The following PLXDC2 variants were observed in gnomAD, a reference collection of about 807,000 sequenced individuals.
PLXDC2 encodes the protein plexin domain containing 2, also known as plexin domain-containing protein 2.
In PLXDC2, 40 loss-of-function variants were observed where a neutral mutation model predicts 68.9. The ratio of observed to expected loss-of-function variants is 0.58; its 90% confidence interval spans 0.45 to 0.76. The LOEUF (loss-of-function observed/expected upper bound fraction) is 0.76. Among genes scored for constraint, PLXDC2 ranks in the 30% least tolerant of loss-of-function variants. The pLI, the probability that PLXDC2 is intolerant of heterozygous loss-of-function variation, is 0.00. For missense variants in PLXDC2, 644 were observed against 661.9 expected (o/e 0.97, Z 0.30); for synonymous variants, 243 against 234.2 (o/e 1.04, Z -0.34).
At chr10:20,003,486 G>A (rs904273705) in intron 2 of PLXDC2, among the ~76,000 whole-genome samples, 2 of 152,188 alleles carry the variant, frequency 1.3e-5, no homozygotes, top group African/African-American at 2.4e-5. Flanking sequence ...AGGCTGGAGT[G>A]CAGTGGCATG....
intron 13 of PLXDC2, among the ~76,000 whole-genome samples, chr10:20,251,662 T>C (rs1835677358): frequency 6.6e-6 from 1 of 152,070 alleles, no homozygotes; most frequent in Non-Finnish European, 1.5e-5. Context: ...GTCAAGAAAA[T>C]AATATTACAA....
intron 1 of PLXDC2, among the ~76,000 whole-genome samples, chr10:19,860,562 C>G (rs1023062045): frequency 5.3e-5 from 8 of 152,024 alleles, no homozygotes; most frequent in Non-Finnish European, 1.2e-4. Flanking sequence ...CTGAAGGCAC[C>G]CTTTTCTCTA....
chr10:20,089,800 G>T (rs958149817), intron 4 of PLXDC2, among the ~76,000 whole-genome samples: 1 of 152,182 alleles, frequency 6.6e-6, no homozygotes, highest in African/African-American at 2.4e-5. Context: ...GTAAAAGAGA[G>T]CCCAAGAGAG....
intron 12 of PLXDC2, among the ~76,000 whole-genome samples, chr10:20,223,972 ATTT>A (rs10561584): frequency 0.17 from 22,636 of 133,372 alleles, 1,601 homozygotes; most frequent in African/African-American, 0.21. Flanking sequence ...CCTAGAATGT[ATTT>A]TTTTTTTTTT....
chr10:20,277,528 G>T (rs1408888504), intron 13 of PLXDC2, among the ~76,000 whole-genome samples: 12 of 152,078 alleles, frequency 7.9e-5, no homozygotes, highest in Admixed American at 7.9e-4. Context: ...AGAAACAAAG[G>T]CCCAGAGAAA....
chr10:20,042,754 A>G (rs1835704891), intron 2 of PLXDC2, among the ~76,000 whole-genome samples: 1 of 152,200 alleles, frequency 6.6e-6, no homozygotes. Context: ...AATGATGTAG[A>G]TCGATTGCTA....
chr10:20,020,145 G>A (rs888949031), intron 2 of PLXDC2, among the ~76,000 whole-genome samples: 1 of 147,936 alleles, frequency 6.8e-6, no homozygotes, highest in African/African-American at 2.5e-5. Flanking sequence ...CTGAAAAGGT[G>A]GGGCTACAAA....
Position 20,285,995 on chromosome 10 carries a change from A to G in PLXDC2, c.*6176A>G, listed in dbSNP as rs995419445. ...TATTGTCTGGAATAACTTTTCAACC[A>G]TCCAATGCCCACTGCTCTCACAATG... is the stretch of plus-strand genomic sequence containing the variant. On this transcript the variant is annotated 3_prime_UTR_variant, in exon 14 of 14. Coordinates refer to ENST00000377252, the MANE Select transcript of PLXDC2 (RefSeq NM_032812.9). The G allele has an allele frequency of 2.6e-5, 4 of 152,212 alleles. No homozygotes were observed. The highest frequency in any genetic ancestry group is 6.5e-5 in the Admixed American group (1 of 15,278). The allele number at this position is 152,212 out of a possible 1,614,324, so 9.4% of individuals were successfully genotyped here.
chr10:20,057,845 A>T (rs559257684), intron 3 of PLXDC2, among the ~76,000 whole-genome samples: 2 of 152,194 alleles, frequency 1.3e-5, no homozygotes, highest in East Asian at 3.9e-4. Context: ...CTGTGTTGAG[A>T]AGCATCAAAG....
At chr10:20,144,042 C>T (rs894504095) in intron 5 of PLXDC2, among the ~76,000 whole-genome samples, 3 of 151,950 alleles carry the variant, frequency 2.0e-5, no homozygotes, top group Non-Finnish European at 2.9e-5. Context: ...TGCCAAAATC[C>T]AAGCGAGAAA....
chr10:19,940,449 A>G (rs1384531766), intron 1 of PLXDC2, among the ~76,000 whole-genome samples: 3 of 151,620 alleles, frequency 2.0e-5, no homozygotes, highest in Non-Finnish European at 4.4e-5. Context: ...ATTTTTTTGA[A>G]TTATTTGAAT....
intron 6 of PLXDC2, among the ~76,000 whole-genome samples, chr10:20,163,038 T>TG: frequency 6.6e-6 from 1 of 151,470 alleles, no homozygotes; most frequent in East Asian, 1.9e-4. Flanking sequence ...GCCTGGGAGA[T>TG]GGAGTGAGAC....
At chr10:19,983,171 C>A (rs1049846593) in intron 1 of PLXDC2, among the ~76,000 whole-genome samples, 2 of 152,098 alleles carry the variant, frequency 1.3e-5, no homozygotes, top group African/African-American at 2.4e-5. Context: ...TTAGTATTTA[C>A]TGAACGAATC....
intron 4 of PLXDC2, among the ~76,000 whole-genome samples, chr10:20,114,565 C>A (rs930637581): frequency 1.3e-5 from 2 of 152,144 alleles, no homozygotes; most frequent in African/African-American, 4.8e-5. Flanking sequence ...CTGTAACAGA[C>A]GTCTGAATGA....
intron 5 of PLXDC2, among the ~76,000 whole-genome samples, chr10:20,145,770 G>T (rs923035265): frequency 6.6e-6 from 1 of 151,910 alleles, no homozygotes; most frequent in Non-Finnish European, 1.5e-5. Context: ...AGCCAGGATG[G>T]TCTGGATCTC....
At chr10:20,167,254 A>G (rs1834387989) in intron 7 of PLXDC2, among the ~76,000 whole-genome samples, 1 of 152,210 alleles carries the variant, frequency 6.6e-6, no homozygotes, top group Non-Finnish European at 1.5e-5. Flanking sequence ...TTTATAAAGT[A>G]TAACTGTGTC....
intron 12 of PLXDC2, among the ~76,000 whole-genome samples, chr10:20,228,662 G>GAAGGAAGCAGGAAGGAAGGAAAT (rs1835318785): frequency 6.6e-6 from 1 of 150,792 alleles, no homozygotes; most frequent in African/African-American, 2.5e-5. Context: ...AGGAAGGAAA[G>GAAGGAAGCAGGAAGGAAGGAAAT]AAGGAAGCAG....
At chr10:20,164,411 T>C (rs1177318485) in intron 6 of PLXDC2, 57 bp from the exon 7 acceptor site, 2 of 1,359,476 alleles carry the variant, frequency 1.5e-6, no homozygotes, top group Non-Finnish European at 2.1e-6. Context: ...CTACTACCTT[T>C]CCTCCCTGTA....
At chr10:19,934,922 C>G (rs1041189923) in intron 1 of PLXDC2, among the ~76,000 whole-genome samples, 8 of 152,170 alleles carry the variant, frequency 5.3e-5, no homozygotes, top group Non-Finnish European at 1.2e-4. Context: ...AGAAATATCT[C>G]TCATGTATCT....
Sources: gnomAD v4.1 joint callset for allele counts (sites outside exome capture counted in the v4.1 genomes callset) on GRCh38, gnomAD v4.1.1 for gene constraint, MANE v1.5 for transcripts, NCBI Gene and HGNC (gene_info 2026-07-23, HGNC 2026-07-21) for gene names.